COL12A1: variants seen among roughly 807,000 people sequenced by gnomAD.
The protein encoded by COL12A1 is collagen alpha-1(XII) chain.
A neutral mutation model predicts 349.7 loss-of-function variants in COL12A1; 114 were observed. The observed-to-expected ratio is 0.33, with a 90% CI of 0.28 to 0.38. The LOEUF (loss-of-function observed/expected upper bound fraction) is 0.38. Ranked by LOEUF, COL12A1 falls within the 10% of genes least tolerant of loss-of-function variation. The pLI, the probability that COL12A1 is intolerant of heterozygous loss-of-function variation, is 1.00. For missense variants in COL12A1, 3,284 were observed against 3,756.9 expected, an observed-to-expected ratio of 0.87 and a Z score of 3.29; for synonymous variants, 1,369 against 1,329.0, an observed-to-expected ratio of 1.03 and a Z score of -0.66.
chr6:75,094,031 G>A (rs984298865), intron 60 of COL12A1, among the ~76,000 whole-genome samples: 12 of 152,110 alleles, frequency 7.9e-5, no homozygotes, highest in Non-Finnish European at 1.8e-4. Context: ...ACATGCTAGG[G>A]TACACGCAGT....
In COL12A1 at chr6:75,177,842, T is replaced by C; in HGVS notation, c.2258A>G (p.Tyr753Cys). The C allele has an allele frequency of 6.2e-7, 1 of 1,614,114 alleles. No individual in the cohort carries two copies. Among genetic ancestry groups the C allele is most frequent in the Non-Finnish European group, 8.5e-7 (1 of 1,180,014 alleles). ...WTQAPGRVLRYRIIYRPVAGG... is the reference protein window; with the variant it reads ...WTQAPGRVLRCRIIYRPVAGG... ...AGCAACTGGTCTATATATAATTCGA[T>C]ATCTTAAAACTCTCCCTGGAGCTTG... The change falls in exon 12 of 66, where the codon TAT becomes TGT. Residue 753 changes from tyrosine to cysteine, a missense_variant. By Grantham distance (194) the Tyr-to-Cys change is radical. This residue lies in a region of COL12A1 where 2,601 missense variants were observed against 2,824.8 expected (regional missense o/e 0.92). Transcript: ENST00000322507.
At chr6:75,144,546 A>C (rs1312002888) in intron 25 of COL12A1, among the ~76,000 whole-genome samples, 1 of 152,134 alleles carries the variant, frequency 6.6e-6, no homozygotes, top group Non-Finnish European at 1.5e-5. Flanking sequence ...CCAGCATGTC[A>C]ATCTCCCCAA....
intron 38 of COL12A1, among the ~76,000 whole-genome samples, chr6:75,128,024 A>G (rs1342180254): frequency 1.3e-5 from 2 of 152,198 alleles, no homozygotes; most frequent in African/African-American, 4.8e-5. Flanking sequence ...ATAGTTTTCC[A>G]AAGAAGAAAT....
intron 11 of COL12A1, among the ~76,000 whole-genome samples, chr6:75,178,309 T>TA (rs1363988082): frequency 6.6e-6 from 1 of 152,244 alleles, no homozygotes; most frequent in Non-Finnish European, 1.5e-5. Context: ...CTTTCACTCT[T>TA]ACTACATTTT....
intron 11 of COL12A1, among the ~76,000 whole-genome samples, chr6:75,180,509 T>G (rs948857674): frequency 1.7e-4 from 26 of 151,936 alleles, no homozygotes; most frequent in African/African-American, 6.3e-4. Flanking sequence ...AATATGTATA[T>G]TTTACCACAA....
At chr6:75,118,877 G>A (rs1432812354) in intron 46 of COL12A1, among the ~76,000 whole-genome samples, 166 bp downstream of exon 46, 1 of 152,172 alleles carries the variant, frequency 6.6e-6, no homozygotes, top group Admixed American at 6.5e-5. Context: ...TTGAGCAGTT[G>A]CAAACCATTC....
At chr6:75,202,269 T>C (rs1447591945) in intron 2 of COL12A1, among the ~76,000 whole-genome samples, 1 of 152,190 alleles carries the variant, frequency 6.6e-6, no homozygotes, top group Non-Finnish European at 1.5e-5. Flanking sequence ...GAGTCTTTTA[T>C]TGTGTTCTGT....
intron 59 of COL12A1, among the ~76,000 whole-genome samples, chr6:75,096,249 T>C (rs953118260): frequency 2.6e-5 from 4 of 152,232 alleles, no homozygotes; most frequent in Non-Finnish European, 4.4e-5. Context: ...ATTATGCAAA[T>C]GTTAATCTCT....
intron 27 of COL12A1, among the ~76,000 whole-genome samples, chr6:75,141,599 T>A (rs1158817244): frequency 6.6e-6 from 1 of 152,208 alleles, no homozygotes; most frequent in East Asian, 1.9e-4. Flanking sequence ...TCTCCACAAC[T>A]AAATCATGAA....
intron 14 of COL12A1, among the ~76,000 whole-genome samples, chr6:75,161,262 T>G (rs1768012510): frequency 6.6e-6 from 1 of 152,212 alleles, no homozygotes; most frequent in Non-Finnish European, 1.5e-5. Flanking sequence ...CTCATCAATG[T>G]TATGATATTA....
At chr6:75,105,133 C>T (rs1317689558) in intron 54 of COL12A1, 73 bp downstream of exon 54, 3 of 1,270,836 alleles carry the variant, frequency 2.4e-6, no homozygotes, top group African/African-American at 1.5e-5. Flanking sequence ...TTTACTGACT[C>T]CATATTGGCA....
At chr6:75,123,520 G>C in intron 42 of COL12A1, 116 bp from the exon 43 acceptor site, 1 of 836,478 alleles carries the variant, frequency 1.2e-6, no homozygotes, top group Non-Finnish European at 1.9e-6. Flanking sequence ...TACAAAATGA[G>C]ACACCATTGT....
chr6:75,111,326 T>C (rs745664402), intron 51 of COL12A1, among the ~76,000 whole-genome samples: 5 of 151,692 alleles, frequency 3.3e-5, no homozygotes, highest in Non-Finnish European at 7.4e-5. Flanking sequence ...AAATAGGCAT[T>C]ATATAAAACC....
intron 8 of COL12A1, among the ~76,000 whole-genome samples, chr6:75,186,196 G>A (rs240415): frequency 0.86 from 131,488 of 152,190 alleles, 57,315 homozygotes; most frequent in Non-Finnish European, 0.93. Flanking sequence ...CAAAATGGGA[G>A]AAAATTTTTG....
intron 44 of COL12A1, 143 bp from the exon 45 acceptor site, chr6:75,119,616 G>T: frequency 1.2e-6 from 1 of 849,168 alleles, no homozygotes; most frequent in Non-Finnish European, 1.7e-6. Context: ...GCTCTTTATA[G>T]CTAATATTAC....
intron 24 of COL12A1, among the ~76,000 whole-genome samples, chr6:75,145,769 C>A (rs886554292): frequency 6.6e-6 from 1 of 151,888 alleles, no homozygotes; most frequent in African/African-American, 2.4e-5. Context: ...GTGGCTGGGA[C>A]TACAGGTACT....
chr6:75,182,113 A>G (rs1005307146), intron 10 of COL12A1, among the ~76,000 whole-genome samples: 1 of 146,806 alleles, frequency 6.8e-6, no homozygotes, highest in East Asian at 2.6e-4. Context: ...AAAAAAAAAG[A>G]AAAAAAAACA....
At chr6:75,132,613 C>G (rs1380726507) in intron 34 of COL12A1, among the ~76,000 whole-genome samples, 1 of 152,038 alleles carries the variant, frequency 6.6e-6, no homozygotes, top group African/African-American at 2.4e-5. Flanking sequence ...ATTAACTGCC[C>G]CAATAGGAAC....
chr6:75,152,294 T>A (rs374745978), intron 18 of COL12A1, 39 bp downstream of exon 18: 1 of 1,613,382 alleles, frequency 6.2e-7, no homozygotes, highest in Non-Finnish European at 8.5e-7. Context: ...AAGAGAAAGA[T>A]AAAAATGTCT....
Sources: gnomAD v4.1 joint callset for allele counts (sites outside exome capture counted in the v4.1 genomes callset) on GRCh38, gnomAD v4.1.1 for gene constraint, gnomAD v4.1.1 regional missense constraint, MANE v1.5 for transcripts, NCBI Gene and HGNC (gene_info 2026-07-23, HGNC 2026-07-21) for gene names.